KIRREL3: variants seen among roughly 807,000 people sequenced by gnomAD.
The protein encoded by KIRREL3 is kirre like nephrin family adhesion molecule 3.
Under a neutral mutation model 89.7 loss-of-function variants are expected in KIRREL3, and 36 were observed. The observed-to-expected ratio is 0.40, with a 90% CI of 0.31 to 0.53. The LOEUF (loss-of-function observed/expected upper bound fraction) is 0.53, where lower values mean the gene tolerates loss of function less well. Among genes scored for constraint, KIRREL3 ranks in the 20% least tolerant of loss-of-function variants. The pLI is 0.49. For missense variants in KIRREL3, 864 were observed against 1,056.6 expected (o/e 0.82, Z 2.53); for synonymous variants, 445 against 441.4 (o/e 1.01, Z -0.10).
chr11:126,446,285 CCTTT>C (rs5795496), intron 9 of KIRREL3, among the ~76,000 whole-genome samples: 7,252 of 143,374 alleles, frequency 0.051, 355 homozygotes, highest in East Asian at 0.27. Flanking sequence ...TTTTCTTTCT[CCTTT>C]CTTTCTTTCT....
At position 126,981,983 on chromosome 11, in the gene KIRREL3, T is replaced by C. The variant is rs1229986890; in HGVS notation, c.55+18472A>G. Among the ~76,000 whole-genome samples, 1 of 152,178 alleles carries C rather than the reference T, an allele frequency of 6.6e-6. No homozygotes were observed. The highest frequency in any genetic ancestry group is 6.5e-5 in the Admixed American group (1 of 15,282). ...TAGAACAAATGCAAATATATACAAA[T>C]TCATCCATATGAAGAAATAAATAGG... On this transcript the variant is annotated intron_variant, in intron 1 of 16. Coordinates refer to ENST00000525144, the MANE Select transcript of KIRREL3 (RefSeq NM_032531.4). The surrounding 1 kb of genome is among the most constrained non-coding windows in gnomAD (Gnocchi z 4.2).
chr11:126,729,905 C>A lies in KIRREL3; in HGVS notation c.56-166993G>T, dbSNP rs1369489298. On this transcript the variant is annotated intron_variant, in intron 1 of 16. Coordinates refer to ENST00000525144, the MANE Select transcript of KIRREL3 (RefSeq NM_032531.4). The surrounding 1 kb of genome is among the most constrained non-coding windows in gnomAD (Gnocchi z 4.5). Reference sequence around the variant, plus strand: ...TAAACCAGTCCTTTGAGGTATCTGGCAGACAGTTTTCTGCCCTTCCCTTCC... The same window carrying A: ...TAAACCAGTCCTTTGAGGTATCTGGAAGACAGTTTTCTGCCCTTCCCTTCC... Among the ~76,000 whole-genome samples, 1 of 152,182 alleles carries A rather than the reference C, an allele frequency of 6.6e-6. No individual in the cohort carries two copies. Among genetic ancestry groups the A allele is most frequent in the Non-Finnish European group, 1.5e-5 (1 of 68,018 alleles).
At chr11:126,815,140 G>C (rs990875793) in intron 1 of KIRREL3, among the ~76,000 whole-genome samples, 1 of 152,154 alleles carries the variant, frequency 6.6e-6, no homozygotes, top group Non-Finnish European at 1.5e-5. Flanking sequence ...AAGACACCTG[G>C]CTTGCAGTTT....
rs2135132142 is a variant in KIRREL3 at position 126,946,671 on chromosome 11, G to A, written c.55+53784C>T. ...ACATTACTTCATAATAAGATTAAAT[G>A]GCTGCAAAAAATTCAATGCTTGGAT... On this transcript the variant is annotated intron_variant, in intron 1 of 16. Coordinates refer to ENST00000525144, the MANE Select transcript of KIRREL3 (RefSeq NM_032531.4). This position sits in a 1 kb window ranked among gnomAD's most constrained non-coding sequence, Gnocchi z 4.1. 1.3e-5 allele frequency among the ~76,000 whole-genome samples: 2 copies of A among 152,158 alleles called. No individual in the cohort carries two copies. The highest frequency in any genetic ancestry group is 1.3e-4 in the Admixed American group (2 of 15,274).
At chr11:126,650,593 T>C (rs1485613311) in intron 1 of KIRREL3, among the ~76,000 whole-genome samples, 1 of 152,188 alleles carries the variant, frequency 6.6e-6, no homozygotes, top group Admixed American at 6.5e-5. Flanking sequence ...TCCAAACAAG[T>C]TCCTTATCTC....
chr11:126,777,893 T>C (rs548699139), intron 1 of KIRREL3, among the ~76,000 whole-genome samples: 1 of 152,230 alleles, frequency 6.6e-6, no homozygotes, highest in South Asian at 2.1e-4. Context: ...GTACCTTCCA[T>C]GGTGATAGAA....
intron 1 of KIRREL3, among the ~76,000 whole-genome samples, chr11:126,849,453 G>A (rs1298962898): frequency 6.6e-6 from 1 of 152,142 alleles, no homozygotes; most frequent in East Asian, 1.9e-4. Flanking sequence ...CTATGGACTT[G>A]CCCTGAATTC....
chr11:126,613,871 CTTTTTTTTT>C (rs5795506), intron 1 of KIRREL3, among the ~76,000 whole-genome samples: 9 of 88,538 alleles, frequency 1.0e-4, no homozygotes, highest in Non-Finnish European at 1.3e-4. Flanking sequence ...AATACTGTTG[CTTTTTTTTT>C]TTTTTTTTTT....
rs1949968160 is a variant in KIRREL3, at chr11:126,989,695, G to T, written c.55+10760C>A. On this transcript the variant is annotated intron_variant, in intron 1 of 16. Coordinates refer to ENST00000525144, the MANE Select transcript of KIRREL3 (RefSeq NM_032531.4). This position sits in a 1 kb window ranked among gnomAD's most constrained non-coding sequence, Gnocchi z 6.2. ...GCCATCCCCTTGGAGGTAAAGAAAG[G>T]CATGACGAAGTCTTAGGGCCAACAG... 6.6e-6 allele frequency among the ~76,000 whole-genome samples: 1 copy of T among 152,172 alleles called. No homozygotes were observed. The highest frequency in any genetic ancestry group is 2.4e-5 in the African/African-American group (1 of 41,446).
Position 126,990,094 on chromosome 11 carries a change from C to T in KIRREL3, c.55+10361G>A, listed in dbSNP as rs556741974. Among the ~76,000 whole-genome samples, 6 of 152,284 alleles carry T rather than the reference C, an allele frequency of 3.9e-5. No individual in the cohort carries two copies. The East Asian group carries it at 1.2e-3, about 29-fold the overall frequency. ...CCTGGAGCGGGGCAGGGGGCACAGG[C>T]CTGGAGGCGGCTCTAGGGAGAGGTA... On this transcript the variant is annotated intron_variant, in intron 1 of 16. Coordinates refer to ENST00000525144, the MANE Select transcript of KIRREL3 (RefSeq NM_032531.4). This position sits in a 1 kb window ranked among gnomAD's most constrained non-coding sequence, Gnocchi z 6.3.
intron 1 of KIRREL3, among the ~76,000 whole-genome samples, chr11:126,880,063 T>C (rs1306519080): frequency 6.6e-6 from 1 of 152,242 alleles, no homozygotes; most frequent in Non-Finnish European, 1.5e-5. Context: ...CCTTTCTCTG[T>C]GCCTGTCCTT....
chr11:126,742,895 C>T lies in KIRREL3; in HGVS notation c.56-179983G>A, dbSNP rs1353777149. 6.6e-6 allele frequency among the ~76,000 whole-genome samples: 1 copy of T among 152,204 alleles called. No individual in the cohort carries two copies. Among genetic ancestry groups the T allele is most frequent in the South Asian group, 2.1e-4 (1 of 4,830 alleles). On this transcript the variant is annotated intron_variant, in intron 1 of 16. Coordinates refer to ENST00000525144, the MANE Select transcript of KIRREL3 (RefSeq NM_032531.4). This position sits in a 1 kb window ranked among gnomAD's most constrained non-coding sequence, Gnocchi z 5.3. Reference sequence around the variant, plus strand: ...CTGAAGATGATGGATCTGCATTAAGCAAAACCCAATAACCAGGCACTTTCA... The same window carrying T: ...CTGAAGATGATGGATCTGCATTAAGTAAAACCCAATAACCAGGCACTTTCA...
chr11:126,663,268 C>G (rs1945505465), intron 1 of KIRREL3, among the ~76,000 whole-genome samples: 1 of 142,766 alleles, frequency 7.0e-6, no homozygotes, highest in Non-Finnish European at 1.5e-5. Context: ...TCACCGCAAA[C>G]TCTGCCTCCC....
rs189673195 is a variant in KIRREL3, at chr11:126,501,984, C to T, written c.433+19331G>A. 6.6e-6 allele frequency among the ~76,000 whole-genome samples: 1 copy of T among 152,134 alleles called. No homozygotes were observed. Among genetic ancestry groups the T allele is most frequent in the Non-Finnish European group, 1.5e-5 (1 of 68,042 alleles). On this transcript the variant is annotated intron_variant, in intron 4 of 16. Coordinates refer to ENST00000525144, the MANE Select transcript of KIRREL3 (RefSeq NM_032531.4). The surrounding 1 kb of genome is among the most constrained non-coding windows in gnomAD (Gnocchi z 5.8). ...CATTACATAATTGTTTGCAAGCAGGCAAACAGGCATAAACTGACCAGGTCT... is the reference window on the plus strand; with the variant it reads ...CATTACATAATTGTTTGCAAGCAGGTAAACAGGCATAAACTGACCAGGTCT...
In KIRREL3 at chr11:126,797,216, C is replaced by G. The variant is rs1315077119; in HGVS notation, c.55+203239G>C. ...ATGAGCCTAGGCTCTGAATATGGGA[C>G]CAATTTGAATTTAGATCCCACCTCT... On this transcript the variant is annotated intron_variant, in intron 1 of 16. Transcript: ENST00000525144. The surrounding 1 kb of genome is among the most constrained non-coding windows in gnomAD (Gnocchi z 4.9). 6.6e-6 allele frequency among the ~76,000 whole-genome samples: 1 copy of G among 152,052 alleles called. No homozygotes were observed. Among genetic ancestry groups the G allele is most frequent in the East Asian group, 1.9e-4 (1 of 5,184 alleles).
chr11:126,982,801 T>C (rs1464654119), intron 1 of KIRREL3, among the ~76,000 whole-genome samples: 1 of 152,232 alleles, frequency 6.6e-6, no homozygotes, highest in East Asian at 1.9e-4. Context: ...TCATCCTTTC[T>C]TTCACACTGT....
At chr11:126,721,192 A>G (rs1167790795) in intron 1 of KIRREL3, among the ~76,000 whole-genome samples, 2 of 152,188 alleles carry the variant, frequency 1.3e-5, no homozygotes, top group African/African-American at 2.4e-5. Context: ...TGGGGATGAC[A>G]CTGCTTGTGC....
chr11:126,543,421 A>AT (rs1938530446), intron 2 of KIRREL3, among the ~76,000 whole-genome samples: 1 of 152,088 alleles, frequency 6.6e-6, no homozygotes, highest in African/African-American at 2.4e-5. Context: ...AATCTTTCCC[A>AT]TTTTACGGAC....
chr11:126,858,443 G>T (rs1294310396), intron 1 of KIRREL3, among the ~76,000 whole-genome samples: 2 of 152,196 alleles, frequency 1.3e-5, no homozygotes, highest in Non-Finnish European at 2.9e-5. Flanking sequence ...GCCATTGGGT[G>T]CTGTCTGTCG....
Sources: allele counts gnomAD v4.1 joint callset (sites outside exome capture counted in the v4.1 genomes callset), GRCh38; gene constraint gnomAD v4.1.1; non-coding constraint Gnocchi (gnomAD v3.1); transcripts MANE v1.5; gene names NCBI Gene and HGNC (gene_info 2026-07-23, HGNC 2026-07-21).